Variants in SRPK1 observed in about 807,000 individuals in gnomAD.
SRPK1 encodes the protein SFRS protein kinase 1.
In SRPK1, 52 loss-of-function variants were observed where a neutral mutation model predicts 89.5. That is an observed-to-expected ratio of 0.58 (90% CI 0.46 to 0.73). SRPK1 has a LOEUF of 0.73. Ranked by LOEUF, SRPK1 falls within the 30% of genes least tolerant of loss-of-function variation. The pLI is 0.00. For missense variants in SRPK1, 603 were observed against 780.6 expected (o/e 0.77, Z 2.71); for synonymous variants, 255 against 270.2 (o/e 0.94, Z 0.55).
chr6:35,885,853 A>C (rs1390536929), intron 6 of SRPK1, among the ~76,000 whole-genome samples: 1 of 152,174 alleles, frequency 6.6e-6, no homozygotes, highest in African/African-American at 2.4e-5. Context: ...GGTTCCTTTC[A>C]ATTCTACAGT....
intron 14 of SRPK1, among the ~76,000 whole-genome samples, chr6:35,840,449 T>C (rs1769282026): frequency 6.6e-6 from 1 of 152,164 alleles, no homozygotes; most frequent in African/African-American, 2.4e-5. Flanking sequence ...ATAACAAAAA[T>C]AAGAATACTA....
rs772572635 is a variant in SRPK1 at position 35,835,403 on chromosome 6, T to C, written c.1869A>G (p.Ala623=). ...GCAGTAAGAAATCTGTGAAGCCAGCTGCCTCTTCCTGCGACCACTCATACT... is the reference window on the plus strand; with the variant it reads ...GCAGTAAGAAATCTGTGAAGCCAGCCGCCTCTTCCTGCGACCACTCATACT... ...VEKYEWSQEE[A]AGFTDFLLPM... The change falls in exon 16 of 16, where the codon GCA becomes GCG. Residue 623 remains alanine, a synonymous_variant. Transcript: ENST00000373825. 6.2e-7 allele frequency: 1 copy of C among 1,613,794 alleles called. No homozygotes were observed.
intron 2 of SRPK1, among the ~76,000 whole-genome samples, chr6:35,914,467 C>T (rs1771046344): frequency 6.6e-6 from 1 of 152,198 alleles, no homozygotes; most frequent in Admixed American, 6.5e-5. Context: ...ATTTCCACTG[C>T]TTTGCCTAGA....
At position 35,906,381 on chromosome 6, in the gene SRPK1, C is replaced by T. The variant is rs933811461; in HGVS notation, c.74+14087G>A. 1.5e-4 allele frequency among the ~76,000 whole-genome samples: 23 copies of T among 152,232 alleles called. 1 individual carries two copies. The highest frequency in any genetic ancestry group is 6.2e-4 in the South Asian group (3 of 4,810). ...CTGGGATTACAGGCGTGCACCATCACGCCCAGCTGATTTTTGTATTTTTAG... is the reference window on the plus strand; with the variant it reads ...CTGGGATTACAGGCGTGCACCATCATGCCCAGCTGATTTTTGTATTTTTAG... On this transcript the variant is annotated intron_variant, in intron 2 of 15. Coordinates refer to ENST00000373825, the MANE Select transcript of SRPK1 (RefSeq NM_003137.5).
At chr6:35,870,982 T>G in intron 8 of SRPK1, 23 bp from the exon 9 acceptor site, 1 of 1,603,982 alleles carries the variant, frequency 6.2e-7, no homozygotes, top group Non-Finnish European at 8.5e-7. Context: ...GAAAACCAAG[T>G]AAGAATTCTG....
At chr6:35,865,698 A>G (rs1043729099) in intron 12 of SRPK1, among the ~76,000 whole-genome samples, 1 of 152,210 alleles carries the variant, frequency 6.6e-6, no homozygotes, top group African/African-American at 2.4e-5. Context: ...TGGGAAAAAG[A>G]CATCCTTTTC....
At position 35,868,446 on chromosome 6, in the gene SRPK1, T is replaced by C. The variant is rs1417903479; in HGVS notation, c.1512+564A>G. On this transcript the variant is annotated intron_variant, in intron 12 of 15. Transcript: ENST00000373825. ...CAGAACTTCTGACTTAGCAATTCTA[T>C]GTCTAGGACATGTCCTAAGAAAAAC... 2.0e-5 allele frequency among the ~76,000 whole-genome samples: 3 copies of C among 152,344 alleles called. No homozygotes were observed. The East Asian group carries it at 5.8e-4, about 29-fold the overall frequency.
chr6:35,873,030 C>T (rs971825069), intron 7 of SRPK1, among the ~76,000 whole-genome samples: 1 of 152,214 alleles, frequency 6.6e-6, no homozygotes, highest in East Asian at 1.9e-4. Flanking sequence ...CACACACCCT[C>T]TAAGTGTTGT....
chr6:35,846,556 C>CAAAAAAAAAAAAAAAAAAA (rs35150778), intron 13 of SRPK1, among the ~76,000 whole-genome samples: 1 of 116,506 alleles, frequency 8.6e-6, no homozygotes, highest in African/African-American at 3.2e-5. Flanking sequence ...ACTGTGTCTC[C>CAAAAAAAAAAAAAAAAAAA]AAAAAAAAAA....
intron 13 of SRPK1, among the ~76,000 whole-genome samples, chr6:35,850,756 A>C (rs573197745): frequency 6.6e-6 from 1 of 152,336 alleles, no homozygotes; most frequent in African/African-American, 2.4e-5. Flanking sequence ...AACAAAAAAA[A>C]CCCCATGTAT....
At chr6:35,903,402 C>G (rs1770787668) in intron 2 of SRPK1, among the ~76,000 whole-genome samples, 3 of 151,874 alleles carry the variant, frequency 2.0e-5, no homozygotes, top group Admixed American at 2.0e-4. Context: ...ATCCCAGCTA[C>G]TTGGGAGGCT....
At chr6:35,913,655 A>G (rs1771021371) in intron 2 of SRPK1, among the ~76,000 whole-genome samples, 1 of 151,668 alleles carries the variant, frequency 6.6e-6, no homozygotes, top group Admixed American at 6.6e-5. Flanking sequence ...AAAATTAGCC[A>G]GGTGTGGTGG....
At chr6:35,893,387 A>G (rs1770561653) in intron 2 of SRPK1, among the ~76,000 whole-genome samples, 1 of 151,876 alleles carries the variant, frequency 6.6e-6, no homozygotes, top group African/African-American at 2.4e-5. Context: ...CGGGGAACTG[A>G]GGTGGGAGGA....
chr6:35,847,051 C>T (rs1159134272), intron 13 of SRPK1, among the ~76,000 whole-genome samples: 2 of 152,206 alleles, frequency 1.3e-5, no homozygotes, highest in Non-Finnish European at 2.9e-5. Context: ...ACATTGTACT[C>T]AATGGTGAAA....
intron 12 of SRPK1, among the ~76,000 whole-genome samples, chr6:35,861,047 T>C (rs1017953848): frequency 1.7e-4 from 26 of 152,152 alleles, no homozygotes; most frequent in African/African-American, 6.0e-4. Context: ...ATATATGACT[T>C]GACTTACATT....
In SRPK1 at chr6:35,857,295, T is replaced by C. The variant is rs772527528; in HGVS notation, c.1586A>G (p.Asn529Ser). 1.9e-6 allele frequency: 3 copies of C among 1,613,150 alleles called. No individual in the cohort carries two copies. Among genetic ancestry groups the C allele is most frequent in the Non-Finnish European group, 2.5e-6 (3 of 1,179,636 alleles). ...SLEVLIGSGYNTPADIWSTAC... is the reference protein window; with the variant it reads ...SLEVLIGSGYSTPADIWSTAC... ...CGTGCTCCAAATGTCAGCAGGGGTA[T>C]TATAGCCAGATCCGATTAGAACTTC... Residue 529 changes from asparagine (N) to serine (S), a missense_variant, in exon 13 of 16, where the codon AAT (asparagine) becomes AGT (serine). Coordinates refer to ENST00000373825, the MANE Select transcript of SRPK1 (RefSeq NM_003137.5).
In SRPK1 at chr6:35,875,172, G is replaced by A. The variant is rs186087951; in HGVS notation, c.479-833C>T. On this transcript the variant is annotated intron_variant, in intron 6 of 15. Transcript: ENST00000373825. ...TAACAGGGTAAACTTGGAACACCTT[G>A]CTGTTCTAACAAATAAAAGAACCTG... Among the ~76,000 whole-genome samples, 17 of 152,102 alleles carry A rather than the reference G, an allele frequency of 1.1e-4. No individual in the cohort carries two copies. In the East Asian group the frequency reaches 3.1e-3, roughly 28 times the overall value.
In SRPK1 at chr6:35,857,091, A is replaced by G. The variant is rs572917656; in HGVS notation, c.1620+170T>C. The stretch of plus-strand genomic sequence containing the variant: ...CTTAGCAGTAACCAAATGAAATGCC[A>G]GACAGGTTTTTGAATTCGGACCTCT... On this transcript the variant is annotated intron_variant, in intron 13 of 15. Transcript: ENST00000373825. 6 of 534,386 alleles carry G rather than the reference A, an allele frequency of 1.1e-5. No individual in the cohort carries two copies. In the South Asian group the frequency reaches 2.0e-4, roughly 18 times the overall value. The allele number at this position is 534,386 out of a possible 1,614,324, so 33.1% of individuals were successfully genotyped here.
intron 2 of SRPK1, among the ~76,000 whole-genome samples, chr6:35,914,829 TG>T (rs1250262871): frequency 2.0e-5 from 3 of 152,038 alleles, no homozygotes; most frequent in Non-Finnish European, 4.4e-5. Context: ...AACGGAACTT[TG>T]CTTTGTTGCC....
Sources: gnomAD v4.1 joint callset for allele counts (sites outside exome capture counted in the v4.1 genomes callset) on GRCh38, gnomAD v4.1.1 for gene constraint, MANE v1.5 for transcripts, NCBI Gene and HGNC (gene_info 2026-07-23, HGNC 2026-07-21) for gene names.